The following DISC1 variants were observed in gnomAD, a reference collection of about 807,000 sequenced individuals.
DISC1 encodes the protein disrupted in schizophrenia 1 protein.
In DISC1, 57 loss-of-function variants were observed where a neutral mutation model predicts 84.5. The ratio of observed to expected loss-of-function variants is 0.67; its 90% CI spans 0.55 to 0.84. DISC1 has a LOEUF of 0.84. Among genes scored for constraint, DISC1 ranks in the 40% least tolerant of loss-of-function variants. The pLI, the probability that DISC1 is intolerant of heterozygous loss-of-function variation, is 0.00. For missense variants in DISC1, 1,000 were observed against 1,057.8 expected, an observed-to-expected ratio of 0.95 and a Z score of 0.76; for synonymous variants, 411 against 415.2, an observed-to-expected ratio of 0.99 and a Z score of 0.12.
chr1:231,962,471 A>G (rs1341839225), intron 10 of DISC1, among the ~76,000 whole-genome samples: 1 of 152,146 alleles, frequency 6.6e-6, no homozygotes. Flanking sequence ...ATGGAACCAT[A>G]AAAGAGCCTG....
intron 9 of DISC1, among the ~76,000 whole-genome samples, chr1:231,949,080 T>C (rs1322721260): frequency 1.3e-5 from 2 of 151,908 alleles, no homozygotes; most frequent in Admixed American, 6.6e-5. Flanking sequence ...ATGTTAGCCA[T>C]GATGGTCTCG....
intron 10 of DISC1, among the ~76,000 whole-genome samples, chr1:232,002,595 G>GCACA (rs55740228): frequency 0.031 from 4,496 of 143,624 alleles, 65 homozygotes; most frequent in Middle Eastern, 0.074. Flanking sequence ...ATTATGCTGA[G>GCACA]CACACACACA....
intron 9 of DISC1, among the ~76,000 whole-genome samples, chr1:231,925,283 A>G (rs532080480): frequency 6.6e-6 from 1 of 152,330 alleles, no homozygotes; most frequent in East Asian, 1.9e-4. Flanking sequence ...TTCATCTGAA[A>G]AACGGTGACG....
chr1:231,691,062 A>G (rs573879805), intron 1 of DISC1, among the ~76,000 whole-genome samples: 1 of 152,228 alleles, frequency 6.6e-6, no homozygotes, highest in East Asian at 1.9e-4. Flanking sequence ...ACAGTGGGTA[A>G]CCTCACTGTG....
At chr1:231,917,583 C>T (rs933854773) in intron 9 of DISC1, among the ~76,000 whole-genome samples, 2 of 152,252 alleles carry the variant, frequency 1.3e-5, no homozygotes, top group African/African-American at 2.4e-5. Flanking sequence ...CTACATAGAA[C>T]GAGTGAGCGC....
chr1:232,026,660 C>T (rs1233083013), intron 12 of DISC1, 108 bp downstream of exon 12: 14 of 760,784 alleles, frequency 1.8e-5, no homozygotes, highest in Admixed American at 8.0e-5. Context: ...TAGATGCTGC[C>T]GTTATTTATA....
chr1:231,858,649 G>A (rs2084429558), intron 9 of DISC1, among the ~76,000 whole-genome samples: 1 of 152,156 alleles, frequency 6.6e-6, no homozygotes, highest in African/African-American at 2.4e-5. Flanking sequence ...ACAATTTGGA[G>A]TCGATTCCTG....
intron 9 of DISC1, among the ~76,000 whole-genome samples, chr1:231,915,766 G>A (rs11122371): frequency 0.28 from 42,034 of 152,026 alleles, 7,734 homozygotes; most frequent in East Asian, 0.71. Flanking sequence ...CAACAAGAGT[G>A]AAACTCCATC....
At chr1:231,874,371 G>C (rs1376984102) in intron 9 of DISC1, among the ~76,000 whole-genome samples, 2 of 151,530 alleles carry the variant, frequency 1.3e-5, no homozygotes, top group Non-Finnish European at 2.9e-5. Flanking sequence ...ATGTTGGCCA[G>C]GGTGGTCTCG....
In DISC1 at chr1:231,969,317, C is replaced by T. The variant is rs541927765; in HGVS notation, c.2042+10429C>T. Among the ~76,000 whole-genome samples the T allele has an allele frequency of 2.0e-5, 3 of 150,164 alleles. No individual in the cohort carries two copies. In the South Asian group the frequency reaches 6.4e-4, roughly 32 times the overall value. Reference sequence around the variant, plus strand: ...AATGGCTGTGACAGAAGATTTAGAGCCTTCAGTGGTTCCTACAGTCAAGTG... The same window carrying T: ...AATGGCTGTGACAGAAGATTTAGAGTCTTCAGTGGTTCCTACAGTCAAGTG... On this transcript the variant is annotated intron_variant, in intron 10 of 12. Coordinates refer to ENST00000439617, the MANE Select transcript of DISC1 (RefSeq NM_018662.3).
At chr1:231,805,323 C>T (rs1173182891) in intron 8 of DISC1, among the ~76,000 whole-genome samples, 1 of 152,150 alleles carries the variant, frequency 6.6e-6, no homozygotes, top group African/African-American at 2.4e-5. Flanking sequence ...ATACCTGAGG[C>T]TGGGTAATTT....
At chr1:231,842,513 G>A (rs1181987192) in intron 9 of DISC1, among the ~76,000 whole-genome samples, 2 of 152,190 alleles carry the variant, frequency 1.3e-5, no homozygotes, top group Non-Finnish European at 2.9e-5. Context: ...CAACTCCTAT[G>A]TAGGTACTTT....
At chr1:231,843,840 G>A (rs1339327394) in intron 9 of DISC1, among the ~76,000 whole-genome samples, 1 of 152,202 alleles carries the variant, frequency 6.6e-6, no homozygotes, top group East Asian at 1.9e-4. Context: ...TGACATCCAG[G>A]TGGAGATGTT....
chr1:231,801,750 C>T (rs771629118), intron 8 of DISC1, among the ~76,000 whole-genome samples: 1 of 151,794 alleles, frequency 6.6e-6, no homozygotes, highest in Admixed American at 6.6e-5. Context: ...GTTTCAATAC[C>T]TTCAGAATGG....
intron 9 of DISC1, among the ~76,000 whole-genome samples, chr1:231,941,934 G>A (rs553187473): frequency 3.3e-5 from 5 of 152,008 alleles, no homozygotes; most frequent in Non-Finnish European, 7.4e-5. Flanking sequence ...GAACATTTAA[G>A]ACAAGGCTTA....
At chr1:231,722,710 A>G in intron 3 of DISC1, 1 of 1,567,546 alleles carries the variant, frequency 6.4e-7, no homozygotes, top group Non-Finnish European at 8.6e-7. Flanking sequence ...GTGGAAGAAT[A>G]CGCTCATTTA....
intron 8 of DISC1, among the ~76,000 whole-genome samples, chr1:231,808,266 C>T (rs544477060): frequency 2.2e-4 from 34 of 152,266 alleles, no homozygotes; most frequent in African/African-American, 7.5e-4. Flanking sequence ...CTGGAACCAC[C>T]GTACCAGTGA....
At chr1:231,724,363 A>G (rs1160921193) in intron 3 of DISC1, among the ~76,000 whole-genome samples, 1 of 152,176 alleles carries the variant, frequency 6.6e-6, no homozygotes, top group African/African-American at 2.4e-5. Flanking sequence ...TACTATGTTT[A>G]AAGATGGCAG....
At chr1:231,704,688 G>A (rs966211806) in intron 3 of DISC1, among the ~76,000 whole-genome samples, 4 of 150,600 alleles carry the variant, frequency 2.7e-5, no homozygotes, top group South Asian at 4.2e-4. Flanking sequence ...TGAACCCAGG[G>A]GGCGGAGCTT....
Sources: gnomAD v4.1 joint callset for allele counts (sites outside exome capture counted in the v4.1 genomes callset) on GRCh38, gnomAD v4.1.1 for gene constraint, MANE v1.5 for transcripts, NCBI Gene and HGNC (gene_info 2026-07-23, HGNC 2026-07-21) for gene names.